CEP85L: variants seen among roughly 807,000 people sequenced by gnomAD.
The protein encoded by CEP85L is centrosomal protein of 85 kDa-like.
Under a neutral mutation model 100.3 loss-of-function variants are expected in CEP85L, and 60 were observed. That is an observed-to-expected ratio of 0.60 (90% CI 0.49 to 0.74). CEP85L has a LOEUF of 0.74. CEP85L is among the 30% of genes least tolerant of loss of function. CEP85L has a pLI of 0.00. For synonymous variants in CEP85L, 319 were observed against 322.7 expected, an observed-to-expected ratio of 0.99 and a Z score of 0.12; for missense variants, 973 against 936.2, an observed-to-expected ratio of 1.04 and a Z score of -0.51.
intron 3 of CEP85L, among the ~76,000 whole-genome samples, chr6:118,533,656 A>T (rs1195376856): frequency 6.6e-6 from 1 of 152,228 alleles, no homozygotes; most frequent in Non-Finnish European, 1.5e-5. Context: ...GGAAAAAAGA[A>T]AATGACAAAC....
At chr6:118,604,826 G>C (rs970492863) in intron 2 of CEP85L, among the ~76,000 whole-genome samples, 2 of 152,216 alleles carry the variant, frequency 1.3e-5, no homozygotes, top group South Asian at 4.1e-4. Flanking sequence ...CCTTAATTTA[G>C]ACCAAATGTC....
chr6:118,491,647 ATGT>A (rs71866282), intron 6 of CEP85L, 36 bp downstream of exon 6: 35,685 of 1,590,454 alleles, frequency 0.022, 524 homozygotes, highest in African/African-American at 0.058. Context: ...TGCTGAGGAA[ATGT>A]TGTTGACCTA....
Position 118,480,457 on chromosome 6 carries a change from T to A in CEP85L, c.1802A>T (p.Asp601Val), listed in dbSNP as rs200113123. The part of the protein sequence containing the change: ...LEDGIRLPML[D>V]AKQLQNENDN... The stretch of plus-strand genomic sequence containing the variant: ...ATTTTCATTCTGAAGCTGTTTTGCA[T>A]CTAACATGGGAAGGCGGATTCCATC... Residue 601 changes from aspartate to valine, a missense_variant, in exon 9 of 13, where the codon GAT (aspartate) becomes GTT (valine). By Grantham distance (152) the Asp-to-Val change is radical. Transcript: ENST00000368491. 5 of 1,612,076 alleles carry A rather than the reference T, an allele frequency of 3.1e-6. No homozygotes were observed. The highest frequency in any genetic ancestry group is 1.3e-5 in the African/African-American group (1 of 74,854).
chr6:118,674,160 G>A (rs1477531026), intron 1 of CEP85L, among the ~76,000 whole-genome samples: 2 of 152,170 alleles, frequency 1.3e-5, no homozygotes, highest in Non-Finnish European at 1.5e-5. Context: ...CAAAGAGATT[G>A]TACTTAAATA....
intron 2 of CEP85L, among the ~76,000 whole-genome samples, chr6:118,594,961 G>A (rs1264533728): frequency 6.6e-6 from 1 of 151,878 alleles, no homozygotes; most frequent in African/African-American, 2.4e-5. Flanking sequence ...CATGATACAG[G>A]AGAGAAAGAC....
At chr6:118,579,654 T>C (rs1189261143) in intron 2 of CEP85L, among the ~76,000 whole-genome samples, 1 of 152,236 alleles carries the variant, frequency 6.6e-6, no homozygotes, top group Non-Finnish European at 1.5e-5. Context: ...TAAATGATAA[T>C]CTGGTCCTTA....
At position 118,463,742 on chromosome 6, in the gene CEP85L, G is replaced by A. The variant is rs1490366062; in HGVS notation, c.*1663C>T. On this transcript the variant is annotated 3_prime_UTR_variant, in exon 13 of 13. Coordinates refer to ENST00000368491, the MANE Select transcript of CEP85L (RefSeq NM_001042475.3). ...GGAAGGACTCAGACACCAAACAGAAGGAAAATCTGATTTCTTTACAGTGTA... is the reference window on the plus strand; with the variant it reads ...GGAAGGACTCAGACACCAAACAGAAAGAAAATCTGATTTCTTTACAGTGTA... The A allele has an allele frequency of 6.6e-6, 1 of 151,888 alleles. No homozygotes were observed. The highest frequency in any genetic ancestry group is 1.5e-5 in the Non-Finnish European group (1 of 67,926). 9.4% of individuals were successfully genotyped at this position (151,888 alleles called of 1,614,324 possible). A position where few individuals can be genotyped will look rare whatever the true frequency, so the allele number is the denominator to read the frequency against.
At chr6:118,563,521 T>C (rs1779338458) in intron 3 of CEP85L, among the ~76,000 whole-genome samples, 1 of 152,258 alleles carries the variant, frequency 6.6e-6, no homozygotes. Flanking sequence ...GAGTTGTGCT[T>C]GCAAATCACA....
upstream of CEP85L, chr6:118,657,061 G>A (rs1028043688): frequency 2.6e-5 from 4 of 152,154 alleles, no homozygotes; most frequent in African/African-American, 9.7e-5. Flanking sequence ...CTTCCAATAA[G>A]CCTCTTACAC....
At chr6:118,617,835 T>A (rs1045746213) in intron 2 of CEP85L, among the ~76,000 whole-genome samples, 1 of 152,128 alleles carries the variant, frequency 6.6e-6, no homozygotes, top group African/African-American at 2.4e-5. Context: ...AGGAAGAGCA[T>A]CCCAACTGCC....
intron 2 of CEP85L, among the ~76,000 whole-genome samples, chr6:118,627,198 C>CAAAAA (rs56203910): frequency 2.8e-5 from 2 of 72,542 alleles, no homozygotes; most frequent in Non-Finnish European, 2.6e-5. Flanking sequence ...GACTCCATCT[C>CAAAAA]AAAAAAAAAA....
Position 118,480,656 on chromosome 6 carries a change from AACTGTT to A in CEP85L, c.1746-149_1746-144del, listed in dbSNP as rs1441901977. The stretch of plus-strand genomic sequence containing the variant: ...CAAGACCCACAGACAGTATATGAAA[AACTGTT>A]ATCTATAGTTCATAACAAGTAAGAA... On this transcript the variant is annotated intron_variant, in intron 8 of 12. Transcript: ENST00000368491. 3 of 565,968 alleles carry A rather than the reference AACTGTT, an allele frequency of 5.3e-6. No homozygotes were observed. The African/African-American group carries it at 5.7e-5, about 11-fold the overall frequency. 35.1% of individuals were successfully genotyped at this position (565,968 alleles called of 1,614,324 possible).
intron 5 of CEP85L, among the ~76,000 whole-genome samples, chr6:118,509,730 C>T (rs773558906): frequency 6.6e-6 from 1 of 152,038 alleles, no homozygotes; most frequent in Non-Finnish European, 1.5e-5. Flanking sequence ...GAAGTATATA[C>T]CACCACAAAG....
At chr6:118,498,180 A>G (rs1180425665) in intron 5 of CEP85L, among the ~76,000 whole-genome samples, 1 of 152,148 alleles carries the variant, frequency 6.6e-6, no homozygotes, top group African/African-American at 2.4e-5. Flanking sequence ...AAAGAGAAAA[A>G]TTGATTAATA....
chr6:118,589,365 T>C (rs1185196649), intron 2 of CEP85L: 1 of 244,770 alleles, frequency 4.1e-6, no homozygotes, highest in East Asian at 1.1e-4. Flanking sequence ...TATCCTCAGA[T>C]GGCTTTCGGC....
intron 10 of CEP85L, among the ~76,000 whole-genome samples, chr6:118,472,950 C>G (rs1336591022): frequency 6.6e-6 from 1 of 152,138 alleles, no homozygotes; most frequent in African/African-American, 2.4e-5. Context: ...AGAAATGCCC[C>G]ATTTACAAAT....
intron 3 of CEP85L, chr6:118,558,717 T>C (rs2114968248): frequency 1.7e-6 from 1 of 596,800 alleles, no homozygotes; most frequent in Non-Finnish European, 3.0e-6. Flanking sequence ...CATGATGTTA[T>C]AAATAACAAT....
At chr6:118,634,905 T>A (rs978347301) in intron 1 of CEP85L, among the ~76,000 whole-genome samples, 3 of 151,954 alleles carry the variant, frequency 2.0e-5, no homozygotes, top group African/African-American at 7.3e-5. Flanking sequence ...AATGAAAAAA[T>A]AAATATAAGA....
chr6:118,602,140 G>A (rs1270706369), intron 2 of CEP85L, among the ~76,000 whole-genome samples: 1 of 152,130 alleles, frequency 6.6e-6, no homozygotes, highest in African/African-American at 2.4e-5. Flanking sequence ...AGGCTGAATA[G>A]GGGCAATGAT....
Sources: allele counts gnomAD v4.1 joint callset (sites outside exome capture counted in the v4.1 genomes callset), GRCh38; gene constraint gnomAD v4.1.1; transcripts MANE v1.5; gene names NCBI Gene and HGNC (gene_info 2026-07-23, HGNC 2026-07-21).